The following CDCA3 variants were observed in gnomAD, a reference collection of about 807,000 sequenced individuals.
The protein encoded by CDCA3 is cell division cycle-associated protein 3.
In CDCA3, 16 loss-of-function variants were observed where a neutral mutation model predicts 29.1. The ratio of observed to expected loss-of-function variants is 0.55; its 90% CI spans 0.37 to 0.83. CDCA3 has a LOEUF of 0.83. Among genes scored for constraint, CDCA3 ranks in the 40% least tolerant of loss-of-function variants. The probability of loss-of-function intolerance (pLI) is 0.00; values close to 1 mark genes in which losing one functional copy is unlikely to be tolerated. For missense variants in CDCA3, 291 were observed against 327.2 expected, an observed-to-expected ratio of 0.89 and a Z score of 0.85; for synonymous variants, 88 against 124.5, an observed-to-expected ratio of 0.71 and a Z score of 1.95.
chr12:6,847,778 T>A (rs1465000078), downstream of CDCA3, among the ~76,000 whole-genome samples: 1 of 152,190 alleles, frequency 6.6e-6, no homozygotes, highest in African/African-American at 2.4e-5. Flanking sequence ...TTGCTCCAGA[T>A]CTTTCAGAAA....
rs782805773 is a variant in CDCA3, at chr12:6,850,186, G to A, written c.250+281C>T. The A allele has an allele frequency of 1.3e-4, 67 of 519,494 alleles. No individual in the cohort carries two copies. The highest frequency in any genetic ancestry group is 1.9e-4 in the Non-Finnish European group (54 of 288,274). 32.2% of individuals were successfully genotyped at this position (519,494 alleles called of 1,614,324 possible). A position where few individuals can be genotyped will look rare whatever the true frequency, so the allele number is the denominator to read the frequency against. ...TTGTGTGTGTGTGTGTGTGTTATGT[G>A]TGTGTATTTTTTCTAGAGATGGGGT... On this transcript the variant is annotated intron_variant, in intron 3 of 5. Coordinates refer to ENST00000538862, the MANE Select transcript of CDCA3 (RefSeq NM_031299.7). This position sits in a 1 kb window ranked among gnomAD's most constrained non-coding sequence, Gnocchi z 4.7.
Position 6,851,019 on chromosome 12 carries a change from G to T in CDCA3, c.-57-10C>A. ...GACGAGGAGGGAATGCCTGTGAGAAGTGACTCAGGTCTCAGCCCTTATCTC... is the reference window on the plus strand; with the variant it reads ...GACGAGGAGGGAATGCCTGTGAGAATTGACTCAGGTCTCAGCCCTTATCTC... On this transcript the variant is annotated splice_polypyrimidine_tract_variant and intron_variant, in intron 1 of 5. Transcript: ENST00000538862. 1.3e-6 allele frequency: 2 copies of T among 1,552,086 alleles called. No individual in the cohort carries two copies. The highest frequency in any genetic ancestry group is 3.8e-4 in the Middle Eastern group (2 of 5,230).
Position 6,848,984 on chromosome 12 carries a change from T to C in CDCA3, c.*59A>G. 2.7e-6 allele frequency: 2 copies of C among 743,970 alleles called. No homozygotes were observed. Among genetic ancestry groups the C allele is most frequent in the East Asian group, 5.0e-5 (2 of 40,372 alleles). The allele number at this position is 743,970 out of a possible 1,614,324, so 46.1% of individuals were successfully genotyped here. The stretch of plus-strand genomic sequence containing the variant: ...CTCAGTATCCCTGGGAAAGAAGGGG[T>C]GAGAGGACACAGATATCACCAGGCC... On this transcript the variant is annotated 3_prime_UTR_variant, in exon 6 of 6. Transcript: ENST00000538862.
rs1565525451 is a variant in CDCA3, at chr12:6,850,787, CA to C, written c.120+45del. 1.2e-6 allele frequency: 2 copies of C among 1,605,372 alleles called. No homozygotes were observed. Among genetic ancestry groups the C allele is most frequent in the South Asian group, 2.2e-5 (2 of 90,052 alleles). On this transcript the variant is annotated intron_variant, in intron 2 of 5. Transcript: ENST00000538862. The surrounding 1 kb of genome is among the most constrained non-coding windows in gnomAD (Gnocchi z 4.7). Reference sequence around the variant, plus strand: ...CTCAAAATCAGGTTAGGAAGAGACCCAAGAATTCAGACATTCTCTGCCTTTC... The same window carrying C: ...CTCAAAATCAGGTTAGGAAGAGACCCAGAATTCAGACATTCTCTGCCTTTC...
Position 6,850,421 on chromosome 12 carries a change from A to G in CDCA3, c.250+46T>C. The G allele has an allele frequency of 1.2e-6, 2 of 1,612,326 alleles. No individual in the cohort carries two copies. The highest frequency in any genetic ancestry group is 2.2e-5 in the East Asian group (1 of 44,834). On this transcript the variant is annotated intron_variant, in intron 3 of 5. Transcript: ENST00000538862. The surrounding 1 kb of genome is among the most constrained non-coding windows in gnomAD (Gnocchi z 4.7). The stretch of plus-strand genomic sequence containing the variant: ...ATGGCTTCATGGACCCTACCCAAGA[A>G]TAATAGATGACAGCTTCATCAGCAT...
At chr12:6,847,293 G>A (rs1565522018), downstream of CDCA3, 1 of 233,172 alleles carries the variant, frequency 4.3e-6, no homozygotes, top group East Asian at 8.8e-5. Flanking sequence ...CTATGGCTCT[G>A]GCACCACTAG....
At position 6,849,019 on chromosome 12, in the gene CDCA3, T is replaced by C. The variant is rs782593230; in HGVS notation, c.*24A>G. ...CAGATATCACCAGGCCCTGGGTGAC[T>C]GCATTGCTGGGGCCATGCAGGGCCT... On this transcript the variant is annotated 3_prime_UTR_variant, in exon 6 of 6. Coordinates refer to ENST00000538862, the MANE Select transcript of CDCA3 (RefSeq NM_031299.7). This position sits in a 1 kb window ranked among gnomAD's most constrained non-coding sequence, Gnocchi z 5.2. The C allele has an allele frequency of 1.2e-6, 1 of 815,230 alleles. No individual in the cohort carries two copies. Among genetic ancestry groups the C allele is most frequent in the African/African-American group, 1.7e-5 (1 of 59,764 alleles). 50.5% of individuals were successfully genotyped at this position (815,230 alleles called of 1,614,324 possible).
chr12:6,846,817 G>A (rs1943714256), downstream of CDCA3: 6 of 1,598,806 alleles, frequency 3.8e-6, no homozygotes, highest in Non-Finnish European at 5.1e-6. Flanking sequence ...ACGATAACAG[G>A]GTGAGCTGCC....
Position 6,849,277 on chromosome 12 carries a change from C to T in CDCA3, c.651+46G>A. The T allele has an allele frequency of 1.3e-6, 2 of 1,598,714 alleles. No individual in the cohort carries two copies. The highest frequency in any genetic ancestry group is 1.7e-6 in the Non-Finnish European group (2 of 1,170,322). On this transcript the variant is annotated intron_variant, in intron 5 of 5. Transcript: ENST00000538862. The surrounding 1 kb of genome is among the most constrained non-coding windows in gnomAD (Gnocchi z 5.2). ...TCTGGGTAAAAGGGTCTCCCACCCT[C>T]TACGTTGGATATCCTAGTAACAGCT...
chr12:6,849,325 G>C lies in CDCA3; in HGVS notation c.649C>G (p.Gln217Glu). The change falls in exon 5 of 6, where the codon CAG (glutamine) becomes GAG (glutamate). Residue 217 changes from glutamine to glutamate, a missense_variant and splice_region_variant. Coordinates refer to ENST00000538862, the MANE Select transcript of CDCA3 (RefSeq NM_031299.7). This position sits in a 1 kb window ranked among gnomAD's most constrained non-coding sequence, Gnocchi z 5.2. ...GCTTGCACTTTCTCTTCCTTTACCT[G>C]TCGTAGTGTCAGGGTGCCAGGGGAG... Reference protein sequence around the residue: ...DNSPGTLTLRQGKRPSPLSEN... With the variant: ...DNSPGTLTLREGKRPSPLSEN... 14 of 1,599,398 alleles carry C rather than the reference G, an allele frequency of 8.8e-6. No homozygotes were observed. Among genetic ancestry groups the C allele is most frequent in the Non-Finnish European group, 1.2e-5 (14 of 1,172,360 alleles).
downstream of CDCA3, chr12:6,846,701 C>A (rs76214301): frequency 0.031 from 20,949 of 683,006 alleles, 1,594 homozygotes; most frequent in African/African-American, 0.2. Flanking sequence ...ACACACACAC[C>A]CACACACCCA....
Position 6,850,750 on chromosome 12 carries a change from C to T in CDCA3, c.120+83G>A. On this transcript the variant is annotated intron_variant, in intron 2 of 5. Coordinates refer to ENST00000538862, the MANE Select transcript of CDCA3 (RefSeq NM_031299.7). This position sits in a 1 kb window ranked among gnomAD's most constrained non-coding sequence, Gnocchi z 4.7. ...AATAAGGCTAGGATAAGGGTGGGGTCATGACGGCTCTCTCAAAATCAGGTT... is the reference window on the plus strand; with the variant it reads ...AATAAGGCTAGGATAAGGGTGGGGTTATGACGGCTCTCTCAAAATCAGGTT... The T allele has an allele frequency of 6.3e-7, 1 of 1,579,528 alleles. No homozygotes were observed.
chr12:6,845,615 G>A (rs147480203), downstream of CDCA3: 2,824 of 1,612,744 alleles, frequency 1.8e-3, 19 homozygotes, highest in South Asian at 8.3e-3. Context: ...CCATCTGCAC[G>A]GGCTCGGATG....
Position 6,849,685 on chromosome 12 carries a change from T to C in CDCA3, c.424A>G (p.Thr142Ala). ...VEEQMPPWNQ[T>A]EFPSKQVFSK... is the part of the protein sequence containing the mutation. The stretch of plus-strand genomic sequence containing the variant: ...AACACCTGTTTGGAGGGGAACTCAG[T>C]CTGGTTCCAAGGTGGCATCTGTTCC... The change falls in exon 4 of 6, where the codon ACT becomes GCT. Residue 142 changes from threonine to alanine, a missense_variant. Physicochemically the swap from Thr to Ala is moderately conservative, Grantham distance 58. Transcript: ENST00000538862. This position sits in a 1 kb window ranked among gnomAD's most constrained non-coding sequence, Gnocchi z 5.2. 2 of 1,614,082 alleles carry C rather than the reference T, an allele frequency of 1.2e-6. No homozygotes were observed. Among genetic ancestry groups the C allele is most frequent in the Non-Finnish European group, 1.7e-6 (2 of 1,179,994 alleles).
At chr12:6,847,860 T>C (rs782214217), downstream of CDCA3, among the ~76,000 whole-genome samples, 1 of 152,132 alleles carries the variant, frequency 6.6e-6, no homozygotes, top group East Asian at 1.9e-4. Context: ...TGGCAAGAAA[T>C]GCAAGAGCGA....
chr12:6,847,932 C>T (rs1381327520), downstream of CDCA3: 2 of 152,270 alleles, frequency 1.3e-5, no homozygotes, highest in East Asian at 3.8e-4. Flanking sequence ...TCAGCTGGAA[C>T]AGTGGCTCAT....
chr12:6,850,787 C>A lies in CDCA3; in HGVS notation c.120+46G>T, dbSNP rs781891144. On this transcript the variant is annotated intron_variant, in intron 2 of 5. Coordinates refer to ENST00000538862, the MANE Select transcript of CDCA3 (RefSeq NM_031299.7). This position sits in a 1 kb window ranked among gnomAD's most constrained non-coding sequence, Gnocchi z 4.7. ...CTCAAAATCAGGTTAGGAAGAGACC[C>A]AAGAATTCAGACATTCTCTGCCTTT... The A allele has an allele frequency of 1.9e-6, 3 of 1,605,372 alleles. No individual in the cohort carries two copies. The highest frequency in any genetic ancestry group is 1.1e-5 in the South Asian group (1 of 90,052).
At position 6,849,506 on chromosome 12, in the gene CDCA3, C is replaced by A; in HGVS notation, c.544+59G>T. On this transcript the variant is annotated intron_variant, in intron 4 of 5. Coordinates refer to ENST00000538862, the MANE Select transcript of CDCA3 (RefSeq NM_031299.7). This position sits in a 1 kb window ranked among gnomAD's most constrained non-coding sequence, Gnocchi z 5.2. ...TATTCCTCCCACACTCACCCATGGA[C>A]CTTATCCCAAAACATTATCCTAGTT... The A allele has an allele frequency of 6.4e-7, 1 of 1,565,700 alleles. No homozygotes were observed. Among genetic ancestry groups the A allele is most frequent in the South Asian group, 1.2e-5 (1 of 83,496 alleles).
chr12:6,845,627 C>T (rs13306410), downstream of CDCA3: 351 of 1,613,408 alleles, frequency 2.2e-4, no homozygotes, highest in East Asian at 4.5e-3. Context: ...GCTCGGATGA[C>T]GCTTCCTGCC....
Sources: allele counts gnomAD v4.1 joint callset (sites outside exome capture counted in the v4.1 genomes callset), GRCh38; gene constraint gnomAD v4.1.1; non-coding constraint Gnocchi (gnomAD v3.1); transcripts MANE v1.5; gene names NCBI Gene and HGNC (gene_info 2026-07-23, HGNC 2026-07-21).